Variants in PEMT observed in about 807,000 individuals in gnomAD.
PEMT encodes phosphatidylethanolamine N-methyltransferase, also known as phospholipid methyltransferase.
In PEMT, 23 loss-of-function variants were observed where a neutral mutation model predicts 27.4. The observed-to-expected ratio is 0.84, with a 90% CI of 0.60 to 1.19. The LOEUF (loss-of-function observed/expected upper bound fraction) is 1.19, where lower values mean the gene tolerates loss of function less well. PEMT is among the 50% of genes most tolerant of loss of function. The probability of loss-of-function intolerance (pLI) is 0.00; values close to 1 mark genes in which losing one functional copy is unlikely to be tolerated. For synonymous variants in PEMT, 137 were observed against 139.1 expected, an observed-to-expected ratio of 0.98 and a Z score of 0.11; for missense variants, 307 against 310.1, an observed-to-expected ratio of 0.99 and a Z score of 0.07.
chr17:17,524,843 C>T (rs1166899881), intron 2 of PEMT, among the ~76,000 whole-genome samples: 2 of 152,206 alleles, frequency 1.3e-5, no homozygotes, highest in Non-Finnish European at 2.9e-5. Flanking sequence ...GGCGTGGTGG[C>T]TCACGCCTGT....
At chr17:17,507,304 C>T (rs773137985) in intron 5 of PEMT, 1 of 905,990 alleles carries the variant, frequency 1.1e-6, no homozygotes, top group Non-Finnish European at 1.7e-6. Flanking sequence ...GGGCCAGGGG[C>T]TGTGCCCTCC....
chr17:17,560,050 G>A (rs186337737), intron 2 of PEMT, among the ~76,000 whole-genome samples: 7 of 151,708 alleles, frequency 4.6e-5, no homozygotes, highest in South Asian at 2.1e-4. Flanking sequence ...GCGAAGCCAC[G>A]GCCTGACCTG....
chr17:17,573,693 G>C (rs1243458025), intron 2 of PEMT, among the ~76,000 whole-genome samples: 4 of 152,108 alleles, frequency 2.6e-5, no homozygotes, highest in Non-Finnish European at 4.4e-5. Flanking sequence ...CGGGGAACTG[G>C]AACCAATCTC....
intron 2 of PEMT, among the ~76,000 whole-genome samples, chr17:17,551,988 G>C (rs997880738): frequency 6.6e-6 from 1 of 152,174 alleles, no homozygotes; most frequent in Non-Finnish European, 1.5e-5. Context: ...AGATCACCTA[G>C]GTCAGGGGTT....
chr17:17,538,729 C>T (rs1160963856), intron 2 of PEMT, among the ~76,000 whole-genome samples: 1 of 152,166 alleles, frequency 6.6e-6, no homozygotes, highest in Admixed American at 6.5e-5. Flanking sequence ...CCCACCTGTA[C>T]AAAGCAACTG....
chr17:17,544,165 G>A (rs1909083862), intron 2 of PEMT, among the ~76,000 whole-genome samples: 1 of 152,148 alleles, frequency 6.6e-6, no homozygotes, highest in Admixed American at 6.5e-5. Context: ...CAATCCACGA[G>A]GAAAGAACTT....
intron 2 of PEMT, among the ~76,000 whole-genome samples, chr17:17,539,675 G>A (rs1384878331): frequency 6.6e-6 from 1 of 152,182 alleles, no homozygotes; most frequent in African/African-American, 2.4e-5. Context: ...AGCTAATCAC[G>A]ATCATGGGGC....
At chr17:17,565,899 T>C (rs965951726) in intron 2 of PEMT, among the ~76,000 whole-genome samples, 11 of 152,040 alleles carry the variant, frequency 7.2e-5, no homozygotes, top group Non-Finnish European at 1.2e-4. Context: ...TTTCCACTCA[T>C]GCAAGAGCTC....
intron 2 of PEMT, among the ~76,000 whole-genome samples, chr17:17,556,119 C>T (rs1450479129): frequency 2.0e-5 from 3 of 152,224 alleles, no homozygotes; most frequent in Admixed American, 6.5e-5. Context: ...GCCAGAGAGT[C>T]CAGAGGCAGG....
intron 2 of PEMT, among the ~76,000 whole-genome samples, chr17:17,552,699 G>A (rs1909745919): frequency 1.3e-5 from 2 of 152,226 alleles, no homozygotes; most frequent in South Asian, 4.1e-4. Flanking sequence ...AGGGGGCAAG[G>A]CCATGCTGTC....
intron 1 of PEMT, among the ~76,000 whole-genome samples, chr17:17,583,191 A>G (rs1454403470): frequency 6.6e-6 from 1 of 152,172 alleles, no homozygotes; most frequent in Non-Finnish European, 1.5e-5. Flanking sequence ...AGCCTGGACA[A>G]CATGGTGACA....
At chr17:17,565,897 C>T (rs1910795703) in intron 2 of PEMT, among the ~76,000 whole-genome samples, 1 of 152,148 alleles carries the variant, frequency 6.6e-6, no homozygotes, top group African/African-American at 2.4e-5. Flanking sequence ...TGTTTCCACT[C>T]ATGCAAGAGC....
chr17:17,512,704 A>G lies in PEMT; in HGVS notation c.321-50T>C. On this transcript the variant is annotated intron_variant, in intron 3 of 6. Coordinates refer to ENST00000255389, the MANE Select transcript of PEMT (RefSeq NM_148172.3). The surrounding 1 kb of genome is among the most constrained non-coding windows in gnomAD (Gnocchi z 6.3). ...GGACGTCATGGCCAGGGAGGATGTCACAGCCCGGGAGGAGGCCGACCTCAT... is the reference window on the plus strand; with the variant it reads ...GGACGTCATGGCCAGGGAGGATGTCGCAGCCCGGGAGGAGGCCGACCTCAT... The G allele has an allele frequency of 6.9e-7, 1 of 1,449,082 alleles. No homozygotes were observed. The highest frequency in any genetic ancestry group is 9.2e-7 in the Non-Finnish European group (1 of 1,089,376). 89.8% of individuals were successfully genotyped at this position (1,449,082 alleles called of 1,614,324 possible).
intron 2 of PEMT, among the ~76,000 whole-genome samples, chr17:17,552,239 G>A (rs1909704573): frequency 6.6e-6 from 1 of 150,894 alleles, no homozygotes; most frequent in Non-Finnish European, 1.5e-5. Flanking sequence ...TTGAACCCAG[G>A]AGGCGGAGGT....
chr17:17,520,853 G>A (rs70963008), intron 3 of PEMT, among the ~76,000 whole-genome samples: 53 of 152,378 alleles, frequency 3.5e-4, no homozygotes, highest in Middle Eastern at 3.4e-3. Context: ...CCCTGACCAC[G>A]CTGCTCACCC....
At chr17:17,541,967 T>A (rs1257211744) in intron 2 of PEMT, among the ~76,000 whole-genome samples, 1 of 152,172 alleles carries the variant, frequency 6.6e-6, no homozygotes, top group Non-Finnish European at 1.5e-5. Flanking sequence ...CAGCCCACCT[T>A]CCTCTTTTTT....
At chr17:17,540,601 C>A (rs930902841) in intron 2 of PEMT, among the ~76,000 whole-genome samples, 3 of 152,148 alleles carry the variant, frequency 2.0e-5, no homozygotes, top group Non-Finnish European at 2.9e-5. Context: ...CAGAAGGAGC[C>A]CAACTTCCAG....
intron 2 of PEMT, among the ~76,000 whole-genome samples, chr17:17,537,904 C>A (rs1908598771): frequency 6.6e-6 from 1 of 152,256 alleles, no homozygotes; most frequent in Non-Finnish European, 1.5e-5. Flanking sequence ...GACAGTCACA[C>A]AGTTGTGACT....
At position 17,522,387 on chromosome 17, in the gene PEMT, T is replaced by C. The variant is rs373374903; in HGVS notation, c.213A>G (p.Arg71=). Residue 71 remains arginine (R), a synonymous_variant, in exon 3 of 7, where the codon CGA becomes CGG. Transcript: ENST00000255389. ...FNPLYWNVVA[R]WEHKTRKLSR... ...TCAGCTTGCGGGTCTTGTGTTCCCA[T>C]CGTGCAACCTAAACCGTGAGCAGAG... 43 of 1,610,948 alleles carry C rather than the reference T, an allele frequency of 2.7e-5. 1 individual carries two copies. Among genetic ancestry groups the C allele is most frequent in the Non-Finnish European group, 3.7e-5 (43 of 1,177,992 alleles).
Sources: allele counts gnomAD v4.1 joint callset (sites outside exome capture counted in the v4.1 genomes callset), GRCh38; gene constraint gnomAD v4.1.1; non-coding constraint Gnocchi (gnomAD v3.1); transcripts MANE v1.5; gene names NCBI Gene and HGNC (gene_info 2026-07-23, HGNC 2026-07-21).